DCDC2C: variants seen among roughly 807,000 people sequenced by gnomAD.
DCDC2C encodes doublecortin domain-containing protein 2C.
In DCDC2C, 44 loss-of-function variants were observed where a neutral mutation model predicts 45.0. The observed-to-expected ratio is 0.98, with a 90% CI of 0.77 to 1.26. The LOEUF is 1.26. Among genes scored for constraint, DCDC2C ranks in the 50% most tolerant of loss-of-function variants. DCDC2C has a pLI of 0.00. For synonymous variants in DCDC2C, 187 were observed against 178.8 expected, an observed-to-expected ratio of 1.05 and a Z score of -0.37; for missense variants, 447 against 468.9, an observed-to-expected ratio of 0.95 and a Z score of 0.43.
chr2:3,715,872 T>A (rs11904713), intron 2 of DCDC2C, among the ~76,000 whole-genome samples: 6,567 of 152,192 alleles, frequency 0.043, 501 homozygotes, highest in African/African-American at 0.15. Flanking sequence ...ATATAGAGTA[T>A]GTGGGGGATA....
chr2:3,790,428 A>G (rs1670773812), intron 10 of DCDC2C, among the ~76,000 whole-genome samples: 2 of 152,238 alleles, frequency 1.3e-5, no homozygotes. Context: ...TACTGAAGTG[A>G]AATGCATCCA....
chr2:3,837,316 G>C (rs1293638316), intron 10 of DCDC2C, among the ~76,000 whole-genome samples: 2 of 152,224 alleles, frequency 1.3e-5, no homozygotes, highest in African/African-American at 4.8e-5. Context: ...GAACCGGCTT[G>C]TATTTGGCCA....
chr2:3,791,815 T>C lies in DCDC2C; in HGVS notation c.1065+6715T>C, dbSNP rs1343324772. 9.2e-5 allele frequency among the ~76,000 whole-genome samples: 14 copies of C among 152,276 alleles called. No homozygotes were observed. The East Asian group carries it at 2.7e-3, about 29-fold the overall frequency. ...CCTCTAAGCCACCCTGTGGGCAGGG[T>C]GCAGGATCCAGGCAGTACTCTCATG... On this transcript the variant is annotated intron_variant, in intron 10 of 10. Coordinates refer to ENST00000399143, the MANE Select transcript of DCDC2C (RefSeq NM_001287444.2).
intron 1 of DCDC2C, among the ~76,000 whole-genome samples, chr2:3,707,044 G>A (rs187581803): frequency 1.2e-4 from 19 of 152,226 alleles, no homozygotes; most frequent in East Asian, 1.9e-4. Flanking sequence ...GGAAGTAGCC[G>A]GGAGGGAGCT....
intron 9 of DCDC2C, among the ~76,000 whole-genome samples, chr2:3,783,701 C>T (rs919268233): frequency 3.3e-5 from 5 of 152,180 alleles, no homozygotes; most frequent in African/African-American, 7.2e-5. Context: ...GTGGAGGTAG[C>T]GTGGGGCATC....
chr2:3,834,452 A>C (rs1672025639), intron 10 of DCDC2C, among the ~76,000 whole-genome samples: 1 of 152,172 alleles, frequency 6.6e-6, no homozygotes, highest in South Asian at 2.1e-4. Flanking sequence ...GGAATCATAC[A>C]GTGTGTACCT....
chr2:3,846,716 G>C (rs1441463266), intron 10 of DCDC2C, among the ~76,000 whole-genome samples: 1 of 152,198 alleles, frequency 6.6e-6, no homozygotes, highest in Non-Finnish European at 1.5e-5. Flanking sequence ...CTCTTCAAGA[G>C]AGTTATTCAG....
intron 10 of DCDC2C, among the ~76,000 whole-genome samples, chr2:3,812,794 G>A (rs1671434200): frequency 1.3e-5 from 2 of 151,928 alleles, no homozygotes; most frequent in South Asian, 4.2e-4. Flanking sequence ...GTTCTCATTG[G>A]TTTCAAAGAA....
chr2:3,822,940 T>C (rs1671729329), intron 10 of DCDC2C, among the ~76,000 whole-genome samples: 1 of 152,100 alleles, frequency 6.6e-6, no homozygotes, highest in Non-Finnish European at 1.5e-5. Context: ...AGTGGGAGTT[T>C]CCCTGCACAC....
chr2:3,769,376 G>C lies in DCDC2C; in HGVS notation c.919G>C (p.Glu307Gln). 1 of 1,550,548 alleles carries C rather than the reference G, an allele frequency of 6.4e-7. No individual in the cohort carries two copies. The highest frequency in any genetic ancestry group is 8.7e-7 in the Non-Finnish European group (1 of 1,146,976). ...CCAAGGGGCGCTGGACGTCAAAGAGGAGCACAATGTGCAGCTGGAGGTGCC... is the reference window on the plus strand; with the variant it reads ...CCAAGGGGCGCTGGACGTCAAAGAGCAGCACAATGTGCAGCTGGAGGTGCC... ...ETQGALDVKE[E>Q]HNVQLEVPVD... The change falls in exon 8 of 11, where the codon GAG becomes CAG. Residue 307 changes from glutamate to glutamine, a missense_variant. Glu to Gln is a conservative substitution (Grantham distance 29, BLOSUM62 2). Transcript: ENST00000399143.
chr2:3,757,686 A>C (rs1316341679), intron 6 of DCDC2C, among the ~76,000 whole-genome samples: 1 of 152,156 alleles, frequency 6.6e-6, no homozygotes, highest in East Asian at 1.9e-4. Flanking sequence ...AGTTTCCACG[A>C]CTGGAGAAGG....
At chr2:3,774,662 T>C (rs1670280900) in intron 8 of DCDC2C, among the ~76,000 whole-genome samples, 1 of 152,214 alleles carries the variant, frequency 6.6e-6, no homozygotes, top group African/African-American at 2.4e-5. Context: ...GGAGAGGTGA[T>C]TGACCTCAGG....
chr2:3,771,415 C>T (rs903975943), intron 8 of DCDC2C, among the ~76,000 whole-genome samples: 1 of 152,254 alleles, frequency 6.6e-6, no homozygotes, highest in Non-Finnish European at 1.5e-5. Context: ...GTTGCCCAAA[C>T]CGCGTTCTGC....
At position 3,752,800 on chromosome 2, in the gene DCDC2C, A is replaced by C; in HGVS notation, c.583A>C (p.Lys195Gln). Reference protein sequence around the residue: ...TMNGHLLGDSKDLQDNHFYVA... With the variant: ...TMNGHLLGDSQDLQDNHFYVA... ...GAATGGGCATCTTTTGGGCGACTCA[A>C]AGGATTTGCAAGACAATCACTTTTA... Residue 195 changes from lysine (K) to glutamine (Q), a missense_variant, in exon 5 of 11, where the codon AAG becomes CAG. Transcript: ENST00000399143. The C allele has an allele frequency of 1.3e-6, 2 of 1,550,502 alleles. No homozygotes were observed. Among genetic ancestry groups the C allele is most frequent in the South Asian group, 2.4e-5 (2 of 84,056 alleles).
chr2:3,843,604 G>C (rs1461186137), intron 10 of DCDC2C, among the ~76,000 whole-genome samples: 1 of 152,198 alleles, frequency 6.6e-6, no homozygotes, highest in Admixed American at 6.5e-5. Context: ...TGATTGCTAT[G>C]GGGTATTCTT....
intron 2 of DCDC2C, among the ~76,000 whole-genome samples, chr2:3,711,752 T>A (rs1558558278): frequency 6.6e-6 from 1 of 152,252 alleles, no homozygotes; most frequent in Non-Finnish European, 1.5e-5. Context: ...GAGACAAGTT[T>A]GTTCACATTA....
chr2:3,808,287 C>G (rs1671304846), intron 10 of DCDC2C, among the ~76,000 whole-genome samples: 1 of 152,192 alleles, frequency 6.6e-6, no homozygotes, highest in South Asian at 2.1e-4. Context: ...TAACTAATGA[C>G]ATTGCGCATC....
intron 10 of DCDC2C, among the ~76,000 whole-genome samples, chr2:3,788,759 TTTTCTTCCTTTCTTCCGTTTCCC>T (rs1288377998): frequency 6.0e-4 from 86 of 144,162 alleles, no homozygotes; most frequent in African/African-American, 2.1e-3. Context: ...TGTTAAATGT[TTTTCTTCCTTTCTTCCGTTTCCC>T]TTTCTTCCTC....
At chr2:3,821,321 T>C (rs1671682880) in intron 10 of DCDC2C, among the ~76,000 whole-genome samples, 1 of 152,220 alleles carries the variant, frequency 6.6e-6, no homozygotes, top group Non-Finnish European at 1.5e-5. Context: ...ATGGTTTAGC[T>C]TGGGCTCAGA....
Sources: gnomAD v4.1 joint callset for allele counts (sites outside exome capture counted in the v4.1 genomes callset) on GRCh38, gnomAD v4.1.1 for gene constraint, MANE v1.5 for transcripts, NCBI Gene and HGNC (gene_info 2026-07-23, HGNC 2026-07-21) for gene names.